Variants in NOD2 observed in about 807,000 individuals in gnomAD.
The protein encoded by NOD2 is nucleotide binding oligomerization domain containing 2, also known as nucleotide-binding oligomerization domain-containing protein 2.
A neutral mutation model predicts 90.9 loss-of-function variants in NOD2; 86 were observed. The observed-to-expected ratio is 0.95, with a 90% CI of 0.79 to 1.13. The LOEUF is 1.13. Among genes scored for constraint, NOD2 ranks in the 50% most tolerant of loss-of-function variants. The pLI, the probability that NOD2 is intolerant of heterozygous loss-of-function variation, is 0.00. For synonymous variants in NOD2, 581 were observed against 554.6 expected (o/e 1.05, Z -0.67); for missense variants, 1,238 against 1,283.8 (o/e 0.96, Z 0.55).
At position 50,714,944 on chromosome 16, in the gene NOD2, T is replaced by C. The variant is rs1227950401; in HGVS notation, c.2382-1643T>C. 2.0e-5 allele frequency among the ~76,000 whole-genome samples: 3 copies of C among 152,274 alleles called. No homozygotes were observed. In the East Asian group the frequency reaches 5.8e-4, roughly 29 times the overall value. ...AACATGGAACCTAAGTTTCACAAAA[T>C]GACTTCGCTTTATGAACTCTGAGAC... On this transcript the variant is annotated intron_variant, in intron 4 of 11. Transcript: ENST00000647318.
Position 50,710,623 on chromosome 16 carries a change from A to T in NOD2, c.631A>T (p.Ser211Cys), listed in dbSNP as rs1001861018. 1.2e-6 allele frequency: 2 copies of T among 1,614,194 alleles called. No homozygotes were observed. The highest frequency in any genetic ancestry group is 1.7e-6 in the Non-Finnish European group (2 of 1,180,028). ...TTVSAQSRFL[S>C]TYDGAETLCL... ...GGTGTCTGCTCAGTCTCGCTTCCTCAGTACCTATGATGGAGCAGAGACGCT... is the reference window on the plus strand; with the variant it reads ...GGTGTCTGCTCAGTCTCGCTTCCTCTGTACCTATGATGGAGCAGAGACGCT... Residue 211 changes from serine to cysteine, a missense_variant, in exon 4 of 12, where the codon AGT becomes TGT. This residue lies in a region of NOD2 where 567 missense variants were observed against 577.3 expected (regional missense o/e 0.98). Coordinates refer to ENST00000647318, the MANE Select transcript of NOD2 (RefSeq NM_001370466.1).
chr16:50,722,021 C>G (rs1965082481), intron 7 of NOD2, among the ~76,000 whole-genome samples: 1 of 152,188 alleles, frequency 6.6e-6, no homozygotes, highest in South Asian at 2.1e-4. Context: ...ACATACCTGT[C>G]CAGGGTAGGT....
chr16:50,704,498 C>G (rs546762799), intron 2 of NOD2, among the ~76,000 whole-genome samples: 1 of 151,684 alleles, frequency 6.6e-6, no homozygotes, highest in Non-Finnish European at 1.5e-5. Flanking sequence ...CCATTATCCT[C>G]TCTTTTCAAT....
Position 50,712,326 on chromosome 16 carries a change from T to C in NOD2, c.2334T>C (p.Ile778=), listed in dbSNP as rs1380472189. 2 of 1,614,040 alleles carry C rather than the reference T, an allele frequency of 1.2e-6. No individual in the cohort carries two copies. The highest frequency in any genetic ancestry group is 1.3e-5 in the African/African-American group (1 of 75,066). ...TGGACTACAACTCTGTGGGTGACAT[T>C]GGCGTGGAGCAGCTGCTGCCTTGCC... ...LQLDYNSVGD[I]GVEQLLPCLG... Residue 778 remains isoleucine, a synonymous_variant, in exon 4 of 12, where the codon ATT becomes ATC. Coordinates refer to ENST00000647318, the MANE Select transcript of NOD2 (RefSeq NM_001370466.1).
intron 10 of NOD2, chr16:50,728,384 A>G: frequency 3.1e-6 from 1 of 326,950 alleles, no homozygotes; most frequent in South Asian, 2.8e-5. Flanking sequence ...GCTGCTTTAC[A>G]ACCCATTTTG....
At chr16:50,719,525 G>A (rs762471063) in intron 6 of NOD2, among the ~76,000 whole-genome samples, 3 of 152,102 alleles carry the variant, frequency 2.0e-5, no homozygotes, top group Non-Finnish European at 2.9e-5. Flanking sequence ...AACAGGTAAA[G>A]CCTACCTGTA....
In NOD2 at chr16:50,732,694, C is replaced by T. The variant is rs1371462644; in HGVS notation, c.*875C>T. ...TCTGGGCCAGAATTTCAAACGGCCTCACTAGGCTTCTGGTTGATGCCTGTG... is the reference window on the plus strand; with the variant it reads ...TCTGGGCCAGAATTTCAAACGGCCTTACTAGGCTTCTGGTTGATGCCTGTG... On this transcript the variant is annotated 3_prime_UTR_variant, in exon 12 of 12. Transcript: ENST00000647318. 2.0e-5 allele frequency: 3 copies of T among 152,360 alleles called. No homozygotes were observed. Among genetic ancestry groups the T allele is most frequent in the Non-Finnish European group, 4.4e-5 (3 of 68,048 alleles). 9.4% of individuals were successfully genotyped at this position (152,360 alleles called of 1,614,324 possible).
Position 50,719,849 on chromosome 16 carries a change from C to T in NOD2, c.2550-76C>T, listed in dbSNP as rs1484814674. On this transcript the variant is annotated intron_variant, in intron 6 of 11. Transcript: ENST00000647318. ...CTTCAATGCTTTCTTCCTGTGTTTC[C>T]CTGGCCAGGGCACAGACGGCCCTCC... 6 of 1,360,372 alleles carry T rather than the reference C, an allele frequency of 4.4e-6. No homozygotes were observed. In the South Asian group the frequency reaches 5.8e-5, roughly 13 times the overall value. 84.3% of individuals were successfully genotyped at this position (1,360,372 alleles called of 1,614,324 possible). A position where few individuals can be genotyped will look rare whatever the true frequency, so the allele number is the denominator to read the frequency against.
chr16:50,696,881 C>A (rs5743262), intron 1 of NOD2, among the ~76,000 whole-genome samples: 1 of 152,214 alleles, frequency 6.6e-6, no homozygotes, highest in African/African-American at 2.4e-5. Flanking sequence ...ACGTCACTAG[C>A]TGGGGTGTGT....
intron 1 of NOD2, among the ~76,000 whole-genome samples, chr16:50,694,790 C>G (rs911868548): frequency 6.6e-6 from 1 of 152,122 alleles, no homozygotes; most frequent in African/African-American, 2.4e-5. Flanking sequence ...GTAGGAAAAT[C>G]AGACAAAACC....
intron 4 of NOD2, 101 bp from the exon 5 acceptor site, chr16:50,716,486 C>A: frequency 8.7e-7 from 1 of 1,149,074 alleles, no homozygotes; most frequent in Non-Finnish European, 1.3e-6. Flanking sequence ...AGCACAGATG[C>A]TGGCACTTCA....
intron 11 of NOD2, among the ~76,000 whole-genome samples, chr16:50,730,475 A>G (rs1281009638): frequency 3.9e-5 from 6 of 152,216 alleles, no homozygotes; most frequent in Non-Finnish European, 7.3e-5. Context: ...CACAGCTTCA[A>G]AGATTTGTCC....
At chr16:50,697,221 C>G in intron 1 of NOD2, 4 of 1,549,752 alleles carry the variant, frequency 2.6e-6, no homozygotes, top group Non-Finnish European at 3.5e-6. Context: ...GCCATGCCTG[C>G]TCCCCCAGCC....
At position 50,710,646 on chromosome 16, in the gene NOD2, G is replaced by C; in HGVS notation, c.654G>C (p.Thr218=). 6.2e-7 allele frequency: 1 copy of C among 1,614,212 alleles called. No individual in the cohort carries two copies. The highest frequency in any genetic ancestry group is 2.2e-5 in the East Asian group (1 of 44,878). ...TCAGTACCTATGATGGAGCAGAGAC[G>C]CTCTGCCTGGAGGACATATACACAG... ...RFLSTYDGAE[T]LCLEDIYTEN... is the part of the protein sequence containing the mutation. Residue 218 remains threonine, a synonymous_variant, in exon 4 of 12, where the codon ACG becomes ACC. Transcript: ENST00000647318.
chr16:50,698,052 G>A (rs1237426821), intron 1 of NOD2: 1 of 152,960 alleles, frequency 6.5e-6, no homozygotes, highest in Non-Finnish European at 1.5e-5. Flanking sequence ...AAAATCCCCA[G>A]GCCACTTGGC....
intron 10 of NOD2, among the ~76,000 whole-genome samples, chr16:50,728,623 T>G (rs2150841476): frequency 6.6e-6 from 1 of 152,318 alleles, no homozygotes; most frequent in East Asian, 1.9e-4. Context: ...TGCACCAATC[T>G]AATAGAAGTT....
intron 1 of NOD2, chr16:50,697,109 C>T: frequency 1.2e-6 from 1 of 836,672 alleles, no homozygotes; most frequent in East Asian, 2.7e-5. Context: ...CCGGCTTTTC[C>T]TTTGGGAATT....
chr16:50,697,024 A>T (rs1963678602), intron 1 of NOD2: 1 of 607,126 alleles, frequency 1.6e-6, no homozygotes, highest in Non-Finnish European at 3.0e-6. Flanking sequence ...CATGGTCTCC[A>T]GGATGCACAA....
At position 50,712,247 on chromosome 16, in the gene NOD2, G is replaced by T; in HGVS notation, c.2255G>T (p.Cys752Phe). 1 of 1,613,908 alleles carries T rather than the reference G, an allele frequency of 6.2e-7. No individual in the cohort carries two copies. Among genetic ancestry groups the T allele is most frequent in the Non-Finnish European group, 8.5e-7 (1 of 1,180,044 alleles). ...LTFCSVGPTE[C>F]AALAFVLQHL... ...TTTTGCAGTGTGGGCCCCACTGAGT[G>T]TGCTGCCCTGGCCTTTGTGCTGCAG... The change falls in exon 4 of 12, where the codon TGT (cysteine) becomes TTT (phenylalanine). Residue 752 changes from cysteine (C) to phenylalanine (F), a missense_variant. Cys to Phe is a radical substitution (Grantham distance 205). This residue lies in a region of NOD2 where 667 missense variants were observed against 688.7 expected (regional missense o/e 0.97). Coordinates refer to ENST00000647318, the MANE Select transcript of NOD2 (RefSeq NM_001370466.1).
Sources: allele counts gnomAD v4.1 joint callset (sites outside exome capture counted in the v4.1 genomes callset), GRCh38; gene constraint gnomAD v4.1.1; regional missense constraint gnomAD v4.1.1; transcripts MANE v1.5; gene names NCBI Gene and HGNC (gene_info 2026-07-23, HGNC 2026-07-21).